The following KLHL1 variants were observed in gnomAD, a reference collection of about 807,000 sequenced individuals.
KLHL1 encodes the protein kelch-like protein 1.
KLHL1 carries 47 observed loss-of-function variants against 77.7 expected under a neutral mutation model. The ratio of observed to expected loss-of-function variants is 0.60; its 90% confidence interval spans 0.48 to 0.77. The LOEUF (loss-of-function observed/expected upper bound fraction) is 0.77, where lower values mean the gene tolerates loss of function less well. KLHL1 is among the 30% of genes least tolerant of loss of function. KLHL1 has a pLI of 0.00. For missense variants in KLHL1, 925 were observed against 910.8 expected (o/e 1.02, Z -0.20); for synonymous variants, 360 against 325.2 (o/e 1.11, Z -1.15).
intron 9 of KLHL1, among the ~76,000 whole-genome samples, chr13:69,712,461 G>T (rs548926366): frequency 6.6e-6 from 1 of 151,450 alleles, no homozygotes; most frequent in Non-Finnish European, 1.5e-5. Context: ...ACTCCTCTTT[G>T]GTTTCTCCTT....
intron 1 of KLHL1, among the ~76,000 whole-genome samples, chr13:70,035,624 A>G (rs1886220029): frequency 6.6e-6 from 1 of 152,116 alleles, no homozygotes; most frequent in South Asian, 2.1e-4. Flanking sequence ...TAAAACAACC[A>G]TGTCCCTCTA....
At chr13:69,817,884 C>T (rs974259313) in intron 6 of KLHL1, among the ~76,000 whole-genome samples, 33 of 152,094 alleles carry the variant, frequency 2.2e-4, no homozygotes, top group African/African-American at 8.0e-4. Context: ...AGTCTTCATT[C>T]CTAGAAAGAC....
chr13:69,932,680 TTGTG>T (rs555549719), intron 4 of KLHL1, among the ~76,000 whole-genome samples: 7 of 151,374 alleles, frequency 4.6e-5, no homozygotes, highest in Admixed American at 3.3e-4. Context: ...TATATTGTGC[TTGTG>T]TGTGTGTGTG....
At chr13:69,759,785 A>G (rs114041578) in intron 7 of KLHL1, among the ~76,000 whole-genome samples, 1,730 of 152,318 alleles carry the variant, frequency 0.011, 35 homozygotes, top group African/African-American at 0.039. Context: ...CTGAGACTTC[A>G]TGCCTAAATA....
chr13:70,086,040 CAAGT>C (rs1887528445), intron 1 of KLHL1, among the ~76,000 whole-genome samples: 1 of 152,016 alleles, frequency 6.6e-6, no homozygotes, highest in Non-Finnish European at 1.5e-5. Flanking sequence ...AATAGGAATA[CAAGT>C]AAGTACAGGT....
chr13:69,820,940 G>A (rs183035577), intron 6 of KLHL1, among the ~76,000 whole-genome samples: 107 of 152,264 alleles, frequency 7.0e-4, no homozygotes, highest in African/African-American at 2.3e-3. Flanking sequence ...TCTTGGAAAG[G>A]GCAATAGTAA....
At chr13:69,863,046 T>C (rs1021569991) in intron 5 of KLHL1, among the ~76,000 whole-genome samples, 1 of 152,130 alleles carries the variant, frequency 6.6e-6, no homozygotes, top group African/African-American at 2.4e-5. Context: ...TCTTTGAAGA[T>C]TTTTCTCCAG....
intron 8 of KLHL1, among the ~76,000 whole-genome samples, chr13:69,737,991 G>A (rs1593786316): frequency 6.6e-6 from 1 of 152,132 alleles, no homozygotes; most frequent in South Asian, 2.1e-4. Flanking sequence ...GTTCAGGCTG[G>A]CATCAGGTTG....
rs1875932369 is a variant in KLHL1 at position 69,778,190 on chromosome 13, A to G, written c.1639+18548T>C. Among the ~76,000 whole-genome samples the G allele has an allele frequency of 2.6e-5, 4 of 152,290 alleles. No homozygotes were observed. In the South Asian group the frequency reaches 8.3e-4, roughly 32 times the overall value. On this transcript the variant is annotated intron_variant, in intron 7 of 10. Coordinates refer to ENST00000377844, the MANE Select transcript of KLHL1 (RefSeq NM_020866.3). ...TTGTTATTATCAGACTGAAAATTTA[A>G]TCTAGACTTTTAAACCACAGAGGAA... is the stretch of plus-strand genomic sequence containing the variant.
chr13:69,732,004 A>C lies in KLHL1; in HGVS notation c.1802+8390T>G, dbSNP rs1279203207. Among the ~76,000 whole-genome samples, 3 of 152,182 alleles carry C rather than the reference A, an allele frequency of 2.0e-5. No individual in the cohort carries two copies. In the East Asian group the frequency reaches 5.8e-4, roughly 29 times the overall value. On this transcript the variant is annotated intron_variant, in intron 8 of 10. Coordinates refer to ENST00000377844, the MANE Select transcript of KLHL1 (RefSeq NM_020866.3). Reference sequence around the variant, plus strand: ...GATAAAAAGACTTTAAAGATGATAAAGACTTGACAGATACAAGATAACACA... The same window carrying C: ...GATAAAAAGACTTTAAAGATGATAACGACTTGACAGATACAAGATAACACA...
intron 6 of KLHL1, among the ~76,000 whole-genome samples, chr13:69,812,650 G>C (rs1396082447): frequency 1.3e-5 from 2 of 151,892 alleles, no homozygotes; most frequent in African/African-American, 4.8e-5. Context: ...CCATCAAAAA[G>C]TGGGCAAATG....
At chr13:69,769,013 C>G (rs1425459199) in intron 7 of KLHL1, among the ~76,000 whole-genome samples, 1 of 152,084 alleles carries the variant, frequency 6.6e-6, no homozygotes, top group Non-Finnish European at 1.5e-5. Flanking sequence ...ATGAATATGA[C>G]TAAGTCTCAT....
chr13:69,840,687 T>C (rs1328669669), intron 5 of KLHL1, among the ~76,000 whole-genome samples: 1 of 126,724 alleles, frequency 7.9e-6, no homozygotes, highest in Non-Finnish European at 1.7e-5. Flanking sequence ...ATTAACTTTA[T>C]ATATATATAT....
chr13:69,712,783 T>TG (rs1875941184), intron 9 of KLHL1, among the ~76,000 whole-genome samples: 1 of 122,834 alleles, frequency 8.1e-6, no homozygotes, highest in African/African-American at 3.2e-5. Flanking sequence ...GGGGGGGGGG[T>TG]TTTGTTTGTT....
At chr13:69,854,753 G>A (rs533619592) in intron 5 of KLHL1, among the ~76,000 whole-genome samples, 17 of 151,912 alleles carry the variant, frequency 1.1e-4, no homozygotes, top group African/African-American at 3.6e-4. Context: ...AATTATAATT[G>A]GTTCTTACAT....
At chr13:70,103,007 C>G (rs1887960544) in intron 1 of KLHL1, among the ~76,000 whole-genome samples, 1 of 152,082 alleles carries the variant, frequency 6.6e-6, no homozygotes, top group African/African-American at 2.4e-5. Context: ...TATATGGTTA[C>G]AAGCTTCAAT....
intron 7 of KLHL1, among the ~76,000 whole-genome samples, chr13:69,754,733 C>A (rs954698767): frequency 6.6e-6 from 1 of 152,118 alleles, no homozygotes; most frequent in African/African-American, 2.4e-5. Context: ...CTCTGTTGCA[C>A]AATGGCTTTT....
chr13:69,826,684 C>T (rs2138088110), intron 6 of KLHL1, among the ~76,000 whole-genome samples: 1 of 152,046 alleles, frequency 6.6e-6, no homozygotes, highest in South Asian at 2.1e-4. Context: ...TTGAGCCATT[C>T]CACAATATAT....
chr13:69,880,903 T>C (rs1221592394), intron 5 of KLHL1, among the ~76,000 whole-genome samples: 8 of 152,148 alleles, frequency 5.3e-5, no homozygotes, highest in Admixed American at 1.3e-4. Flanking sequence ...TGTCACAGCA[T>C]CTGTCATTAA....
Sources: allele counts gnomAD v4.1 joint callset (sites outside exome capture counted in the v4.1 genomes callset), GRCh38; gene constraint gnomAD v4.1.1; transcripts MANE v1.5; gene names NCBI Gene and HGNC (gene_info 2026-07-23, HGNC 2026-07-21).